ZMAT4: variants seen among roughly 807,000 people sequenced by gnomAD.
The protein encoded by ZMAT4 is zinc finger matrin-type protein 4.
In ZMAT4, 17 loss-of-function variants were observed where a neutral mutation model predicts 28.7. The ratio of observed to expected loss-of-function variants is 0.59; its 90% confidence interval spans 0.41 to 0.89. ZMAT4 has a LOEUF of 0.89. ZMAT4 is among the 40% of genes least tolerant of loss of function. ZMAT4 has a pLI of 0.00. For missense variants in ZMAT4, 240 were observed against 283.8 expected, an observed-to-expected ratio of 0.85 and a Z score of 1.11; for synonymous variants, 117 against 109.2, an observed-to-expected ratio of 1.07 and a Z score of -0.44.
At chr8:40,600,270 C>A (rs1256495903) in intron 5 of ZMAT4, among the ~76,000 whole-genome samples, 1 of 152,200 alleles carries the variant, frequency 6.6e-6, no homozygotes. Context: ...ACTTCTCCAA[C>A]ACCCATTATT....
At chr8:40,638,537 G>A (rs1348053640) in intron 5 of ZMAT4, among the ~76,000 whole-genome samples, 1 of 152,198 alleles carries the variant, frequency 6.6e-6, no homozygotes, top group Non-Finnish European at 1.5e-5. Context: ...GAGACTATCT[G>A]TGTTTGTTAT....
At chr8:40,842,346 C>T (rs1816733824) in intron 1 of ZMAT4, among the ~76,000 whole-genome samples, 1 of 152,220 alleles carries the variant, frequency 6.6e-6, no homozygotes, top group Non-Finnish European at 1.5e-5. Context: ...GGGGTCTTTC[C>T]AGAGCTTTTA....
At chr8:40,859,942 G>A (rs560815551) in intron 1 of ZMAT4, among the ~76,000 whole-genome samples, 3 of 152,282 alleles carry the variant, frequency 2.0e-5, no homozygotes, top group Non-Finnish European at 2.9e-5. Flanking sequence ...GTCGAGGTTA[G>A]GCTGAAGGAA....
At chr8:40,589,813 CTTT>C (rs138443120) in intron 5 of ZMAT4, among the ~76,000 whole-genome samples, 1 of 143,130 alleles carries the variant, frequency 7.0e-6, no homozygotes, top group Non-Finnish European at 1.5e-5. Context: ...TCTTTCCTTT[CTTT>C]TTTATTTCCT....
chr8:40,561,717 G>A (rs1348210514), intron 6 of ZMAT4, among the ~76,000 whole-genome samples: 1 of 152,146 alleles, frequency 6.6e-6, no homozygotes, highest in Non-Finnish European at 1.5e-5. Context: ...GCTCAGGATG[G>A]CTTTGAATGT....
intron 1 of ZMAT4, among the ~76,000 whole-genome samples, chr8:40,870,205 A>G (rs554128825): frequency 1.8e-4 from 28 of 152,316 alleles, no homozygotes; most frequent in Admixed American, 1.6e-3. Context: ...TTACCTGCAC[A>G]GCAAGACAGC....
intron 5 of ZMAT4, among the ~76,000 whole-genome samples, chr8:40,610,462 A>G (rs1805755685): frequency 1.3e-5 from 2 of 152,198 alleles, no homozygotes; most frequent in Admixed American, 1.3e-4. Context: ...AGACAATCTA[A>G]CAAAAATTTC....
At chr8:40,886,256 C>A (rs1038543676) in intron 1 of ZMAT4, among the ~76,000 whole-genome samples, 2 of 152,212 alleles carry the variant, frequency 1.3e-5, no homozygotes, top group African/African-American at 4.8e-5. Context: ...GGGGACAGAT[C>A]AGGGAATGCC....
chr8:40,755,584 C>G (rs550840812), intron 3 of ZMAT4, among the ~76,000 whole-genome samples: 2 of 152,224 alleles, frequency 1.3e-5, no homozygotes, highest in African/African-American at 4.8e-5. Flanking sequence ...TCCCGGGAAG[C>G]TGGGACTACA....
At chr8:40,563,996 C>A (rs1231731778) in intron 6 of ZMAT4, among the ~76,000 whole-genome samples, 1 of 152,128 alleles carries the variant, frequency 6.6e-6, no homozygotes, top group Non-Finnish European at 1.5e-5. Context: ...TTCACTTTCT[C>A]ATCCCAGGCT....
chr8:40,653,261 A>G (rs1807764087), intron 5 of ZMAT4, among the ~76,000 whole-genome samples: 1 of 152,094 alleles, frequency 6.6e-6, no homozygotes, highest in Non-Finnish European at 1.5e-5. Flanking sequence ...GGAGTACTTG[A>G]AGGGATATTT....
At chr8:40,601,005 G>A (rs553583895) in intron 5 of ZMAT4, among the ~76,000 whole-genome samples, 1 of 152,212 alleles carries the variant, frequency 6.6e-6, no homozygotes, top group Non-Finnish European at 1.5e-5. Flanking sequence ...AGCAGTATAA[G>A]ACTCACCTCC....
intron 1 of ZMAT4, among the ~76,000 whole-genome samples, chr8:40,863,149 C>G (rs565340528): frequency 6.6e-6 from 1 of 152,072 alleles, no homozygotes; most frequent in South Asian, 2.1e-4. Flanking sequence ...CCACGCAGCA[C>G]CATGGAAGCC....
intron 5 of ZMAT4, among the ~76,000 whole-genome samples, chr8:40,668,590 A>T (rs1170344955): frequency 6.6e-6 from 1 of 152,096 alleles, no homozygotes; most frequent in Non-Finnish European, 1.5e-5. Flanking sequence ...AAGGACACTT[A>T]TTAGTAAGGA....
chr8:40,680,663 A>G (rs187216485), intron 4 of ZMAT4, among the ~76,000 whole-genome samples: 17 of 151,390 alleles, frequency 1.1e-4, no homozygotes, highest in African/African-American at 4.1e-4. Context: ...AGCTGACAAC[A>G]TACACTCCTC....
intron 3 of ZMAT4, among the ~76,000 whole-genome samples, chr8:40,704,782 C>T (rs746771530): frequency 1.3e-5 from 2 of 152,208 alleles, no homozygotes; most frequent in Non-Finnish European, 2.9e-5. Context: ...CTATCTCCCT[C>T]GTTTTCTTAC....
At chr8:40,728,915 G>T (rs1490112836) in intron 3 of ZMAT4, among the ~76,000 whole-genome samples, 1 of 152,030 alleles carries the variant, frequency 6.6e-6, no homozygotes, top group Non-Finnish European at 1.5e-5. Flanking sequence ...TCTATTACTG[G>T]ACTTCATACG....
chr8:40,598,525 C>T (rs908892737), intron 5 of ZMAT4, among the ~76,000 whole-genome samples: 15 of 152,136 alleles, frequency 9.9e-5, no homozygotes, highest in Non-Finnish European at 1.8e-4. Context: ...ATCCATTTCC[C>T]TGCAAAGGAC....
chr8:40,888,597 C>A (rs1220859037), intron 1 of ZMAT4: 1 of 152,298 alleles, frequency 6.6e-6, no homozygotes. Context: ...TGCCCCAGAG[C>A]CCCCAGGTGG....
Sources: gnomAD v4.1 joint callset for allele counts (sites outside exome capture counted in the v4.1 genomes callset) on GRCh38, gnomAD v4.1.1 for gene constraint, MANE v1.5 for transcripts, NCBI Gene and HGNC (gene_info 2026-07-23, HGNC 2026-07-21) for gene names.